The following H2BC18 variants were observed in gnomAD, a reference collection of about 807,000 sequenced individuals.
The protein encoded by H2BC18 is H2B clustered histone 18, also known as histone H2B type 2-F.
Under a neutral mutation model 6.3 loss-of-function variants are expected in H2BC18, and 8 were observed. That is an observed-to-expected ratio of 1.28 (90% CI 0.75 to 2.31). H2BC18 has a LOEUF of 2.31. H2BC18 is among the 30% of genes most tolerant of loss of function. The pLI is 0.00. For missense variants in H2BC18, 106 were observed against 174.5 expected, an observed-to-expected ratio of 0.61 and a Z score of 2.21; for synonymous variants, 104 against 78.1, an observed-to-expected ratio of 1.33 and a Z score of -1.75.
At chr1:149,790,325 G>A in intron 1 of H2BC18, 1 of 1,587,442 alleles carries the variant, frequency 6.3e-7, no homozygotes, top group Non-Finnish European at 8.6e-7. Flanking sequence ...CTGAGTTGGA[G>A]CTTCAAGTGC....
intron 1 of H2BC18, among the ~76,000 whole-genome samples, chr1:149,806,552 C>G (rs587764218): frequency 6.6e-6 from 1 of 151,926 alleles, no homozygotes; most frequent in East Asian, 1.9e-4. Context: ...TGCACCACTG[C>G]ACTCCAGCCT....
intron 1 of H2BC18, among the ~76,000 whole-genome samples, chr1:149,790,662 C>A (rs1740521): frequency 6.7e-5 from 10 of 149,418 alleles, no homozygotes; most frequent in African/African-American, 2.2e-4. Flanking sequence ...CATGACCCCC[C>A]CTTCTCTCTC....
chr1:149,810,778 C>A (rs1378738967), downstream of H2BC18: 2 of 152,158 alleles, frequency 1.3e-5, no homozygotes, highest in African/African-American at 4.8e-5. Flanking sequence ...CTGTGACACA[C>A]CCACAGGTCG....
intron 1 of H2BC18, chr1:149,792,150 C>T (rs1553752013): frequency 6.3e-6 from 1 of 158,174 alleles, no homozygotes; most frequent in Non-Finnish European, 1.4e-5. Flanking sequence ...CTCTCATAAC[C>T]CCTCTATTTC....
At chr1:149,785,027 A>T (rs2091504386) in intron 1 of H2BC18, among the ~76,000 whole-genome samples, 1 of 152,242 alleles carries the variant, frequency 6.6e-6, no homozygotes, top group Non-Finnish European at 1.5e-5. Flanking sequence ...AATTATTGTC[A>T]TATTTTAATA....
At chr1:149,793,404 G>T (rs1362252815) in intron 1 of H2BC18, among the ~76,000 whole-genome samples, 7 of 152,032 alleles carry the variant, frequency 4.6e-5, no homozygotes, top group Non-Finnish European at 1.0e-4. Flanking sequence ...GCTCCGCAGG[G>T]GCCACCCCAC....
chr1:149,807,011 A>C (rs1340908726), downstream of H2BC18, among the ~76,000 whole-genome samples: 4 of 151,948 alleles, frequency 2.6e-5, no homozygotes, highest in Non-Finnish European at 4.4e-5. Context: ...GCTTTGTGGG[A>C]AATATAGGAA....
downstream of H2BC18, among the ~76,000 whole-genome samples, chr1:149,810,059 G>T (rs1216639132): frequency 1.3e-5 from 2 of 151,134 alleles, no homozygotes; most frequent in Non-Finnish European, 3.0e-5. Flanking sequence ...ATAAATGATG[G>T]CATTTGTGTA....
intron 1 of H2BC18, among the ~76,000 whole-genome samples, chr1:149,788,890 A>G (rs1430595631): frequency 1.3e-5 from 2 of 152,112 alleles, no homozygotes; most frequent in African/African-American, 4.8e-5. Flanking sequence ...CATTTCATCC[A>G]TCATTATTTT....
chr1:149,788,366 G>T lies in H2BC18; in HGVS notation c.378-5106C>A, dbSNP rs587658060. 202 of 1,612,420 alleles carry T rather than the reference G, an allele frequency of 1.3e-4. No individual in the cohort carries two copies. In the South Asian group the frequency reaches 2.1e-3, roughly 16 times the overall value. ...TACATTTTGGGTTCATATTTTTCAG[G>T]CTGGCTACTACTGCAGGTCTCCAGC... On this transcript the variant is annotated intron_variant, in intron 1 of 1. Transcript: ENST00000545683.
chr1:149,805,341 C>T (rs1171004865), intron 1 of H2BC18: 1 of 152,082 alleles, frequency 6.6e-6, no homozygotes, highest in East Asian at 1.9e-4. Flanking sequence ...TATAATTGTC[C>T]ATCTTCAAGT....
chr1:149,794,276 G>GA (rs1339448204), intron 1 of H2BC18, among the ~76,000 whole-genome samples: 1 of 151,400 alleles, frequency 6.6e-6, no homozygotes, highest in Non-Finnish European at 1.5e-5. Context: ...GAAGGGGGGG[G>GA]AACACGTAGA....
At position 149,794,270 on chromosome 1, in the gene H2BC18, G is replaced by T. The variant is rs1438604294; in HGVS notation, c.378-11010C>A. 3.3e-5 allele frequency among the ~76,000 whole-genome samples: 5 copies of T among 151,410 alleles called. No homozygotes were observed. The South Asian group carries it at 8.3e-4, about 25-fold the overall frequency. On this transcript the variant is annotated intron_variant, in intron 1 of 1. Coordinates refer to the H2BC18 transcript ENST00000545683. Reference sequence around the variant, plus strand: ...ATGTAGGGAATGTGAGAAAGAGAAGGGGGGGGAACACGTAGATTTTGGGTC... The same window carrying T: ...ATGTAGGGAATGTGAGAAAGAGAAGTGGGGGGAACACGTAGATTTTGGGTC...
intron 1 of H2BC18, among the ~76,000 whole-genome samples, chr1:149,801,483 C>T (rs1240492010): frequency 8.3e-6 from 1 of 120,480 alleles, no homozygotes; most frequent in Non-Finnish European, 1.8e-5. Context: ...TAGTAGGAAA[C>T]ATTAAGCAAT....
intron 1 of H2BC18, among the ~76,000 whole-genome samples, chr1:149,798,775 C>G (rs2091828719): frequency 6.6e-6 from 1 of 152,096 alleles, no homozygotes; most frequent in East Asian, 1.9e-4. Context: ...CCATGCCTGG[C>G]TAATATTTTT....
At position 149,784,700 on chromosome 1, in the gene H2BC18, C is replaced by CTATA. The variant is rs34346480; in HGVS notation, c.378-1444_378-1441dup. Among the ~76,000 whole-genome samples the CTATA allele has an allele frequency of 1.1e-4, 16 of 146,220 alleles. No individual in the cohort carries two copies. The South Asian group carries it at 2.3e-3, about 21-fold the overall frequency. The stretch of plus-strand genomic sequence containing the variant: ...ATATATTAGCATTATTATATATAAA[C>CTATA]TATATATATATATATATATACACAC... On this transcript the variant is annotated intron_variant, in intron 1 of 1. Coordinates refer to the H2BC18 transcript ENST00000545683.
At chr1:149,805,151 CA>C (rs1182830720) in intron 1 of H2BC18, 1 of 152,172 alleles carries the variant, frequency 6.6e-6, no homozygotes. Flanking sequence ...GACAAAAAAA[CA>C]GGGAGATCTT....
At chr1:149,789,976 G>A (rs2091661099) in intron 1 of H2BC18, 1 of 1,612,378 alleles carries the variant, frequency 6.2e-7, no homozygotes, top group Admixed American at 1.7e-5. Context: ...TTTCCCAAGG[G>A]GGTAAAGGGC....
At chr1:149,783,043 G>C in exon 2 of H2BC18, 1 of 264,674 alleles carries the variant, frequency 3.8e-6, no homozygotes, top group Non-Finnish European at 6.9e-6. Context: ...TTTTGAGAAA[G>C]AGAAATAGAA....
Sources: allele counts gnomAD v4.1 joint callset (sites outside exome capture counted in the v4.1 genomes callset), GRCh38; gene constraint gnomAD v4.1.1; transcripts MANE v1.5; gene names NCBI Gene and HGNC (gene_info 2026-07-23, HGNC 2026-07-21).